C11orf65: variants seen among roughly 807,000 people sequenced by gnomAD.
The protein encoded by C11orf65 is chromosome 11 open reading frame 65.
In C11orf65, 38 loss-of-function variants were observed where a neutral mutation model predicts 35.3. That is an observed-to-expected ratio of 1.08 (90% confidence interval 0.83 to 1.41). The LOEUF is 1.41. Among genes scored for constraint, C11orf65 ranks in the 40% most tolerant of loss-of-function variants. C11orf65 has a pLI of 0.00. For missense variants in C11orf65, 370 were observed against 367.1 expected (o/e 1.01, Z -0.06); for synonymous variants, 105 against 114.4 (o/e 0.92, Z 0.53).
chr11:108,376,070 A>C (rs1732880045), intron 2 of C11orf65, among the ~76,000 whole-genome samples: 1 of 152,196 alleles, frequency 6.6e-6, no homozygotes, highest in African/African-American at 2.4e-5. Context: ...AACATTAGAC[A>C]GATCAACGAG....
At chr11:108,335,343 A>AACATGTACAG in intron 2 of C11orf65, 1 of 1,350,090 alleles carries the variant, frequency 7.4e-7, no homozygotes, top group Non-Finnish European at 9.9e-7. Flanking sequence ...GAATACCATT[A>AACATGTACAG]ACATGTACAG....
chr11:108,405,659 C>A, intron 5 of C11orf65, 100 bp from the exon 6 acceptor site: 1 of 1,208,786 alleles, frequency 8.3e-7, no homozygotes, highest in Non-Finnish European at 1.2e-6. Context: ...AGGAATATGG[C>A]AAGATAGAAA....
rs587781597 is a variant in C11orf65, at chr11:108,345,829, C to A, written c.227-10537G>T. On this transcript the variant is annotated intron_variant, in intron 2 of 3. Transcript: ENST00000524755. ...TTCAACCAGTTTTCCGTTACTTCTG[C>A]ATGGAAAAATTCTTGGATCCAGCTA... The A allele has an allele frequency of 1.2e-6, 2 of 1,613,722 alleles. No homozygotes were observed. Among genetic ancestry groups the A allele is most frequent in the Admixed American group, 3.3e-5 (2 of 59,986 alleles).
chr11:108,367,694 AT>A (rs2091407483), intron 2 of C11orf65: 1 of 215,374 alleles, frequency 4.6e-6, no homozygotes, highest in African/African-American at 2.3e-5. Flanking sequence ...GCAGGCACTC[AT>A]TCATATTTGA....
At chr11:108,383,351 T>C (rs1263187151) in intron 8 of C11orf65, among the ~76,000 whole-genome samples, 176 bp from the exon 9 acceptor site, 2 of 152,182 alleles carry the variant, frequency 1.3e-5, no homozygotes, top group African/African-American at 2.4e-5. Flanking sequence ...CACTCCCACA[T>C]ATCACTGTCC....
At chr11:108,430,222 A>G (rs1305414603) in intron 3 of C11orf65, among the ~76,000 whole-genome samples, 1 of 140,452 alleles carries the variant, frequency 7.1e-6, no homozygotes, top group Non-Finnish European at 1.5e-5. Flanking sequence ...TCCGCCTCCC[A>G]CGTTCATGCC....
intron 2 of C11orf65, chr11:108,353,652 T>C: frequency 1.2e-6 from 1 of 829,270 alleles, no homozygotes; most frequent in Non-Finnish European, 2.1e-6. Flanking sequence ...CATACTAGTG[T>C]TCATAGAACG....
At position 108,312,656 on chromosome 11, in the gene C11orf65, T is replaced by TA. The variant is rs2084276484; in HGVS notation, c.641-3586dup. On this transcript the variant is annotated intron_variant, in intron 6 of 6. Transcript: ENST00000525729. ...AAATTATGGTCTGAAGCTTAAGCCT[T>TA]AGAGTAGACAGACTTGAGTTCTAAT... Among the ~76,000 whole-genome samples, 3 of 147,844 alleles carry TA rather than the reference T, an allele frequency of 2.0e-5. No homozygotes were observed. In the South Asian group the frequency reaches 6.7e-4, roughly 33 times the overall value.
chr11:108,441,373 T>A (rs983487757), intron 2 of C11orf65, among the ~76,000 whole-genome samples: 1 of 152,322 alleles, frequency 6.6e-6, no homozygotes, highest in Non-Finnish European at 1.5e-5. Flanking sequence ...CCTGCCTGCC[T>A]CTGTAGACTC....
intron 3 of C11orf65, among the ~76,000 whole-genome samples, chr11:108,332,324 C>T (rs1193084550): frequency 6.6e-6 from 1 of 152,006 alleles, no homozygotes; most frequent in East Asian, 1.9e-4. Flanking sequence ...CCCAGCTACT[C>T]GGGAGGCTGA....
chr11:108,329,837 T>A (rs554797456), downstream of C11orf65, among the ~76,000 whole-genome samples: 4 of 152,292 alleles, frequency 2.6e-5, no homozygotes, highest in African/African-American at 9.6e-5. Flanking sequence ...TCTGTTTTGC[T>A]TTTTTGGTTT....
chr11:108,402,284 C>T (rs1399087808), intron 6 of C11orf65, among the ~76,000 whole-genome samples: 2 of 152,190 alleles, frequency 1.3e-5, no homozygotes, highest in African/African-American at 2.4e-5. Flanking sequence ...CCTACACCAA[C>T]AAGGCACTTT....
At chr11:108,325,899 G>A (rs566771672) in intron 6 of C11orf65, among the ~76,000 whole-genome samples, 1 of 152,298 alleles carries the variant, frequency 6.6e-6, no homozygotes, top group African/African-American at 2.4e-5. Context: ...CAGACGTGGG[G>A]TGGGGAGATG....
chr11:108,367,550 A>G lies in C11orf65; in HGVS notation c.226+25658T>C, dbSNP rs564351975. Reference sequence around the variant, plus strand: ...TATTAGTGAGTATAATCTCTTCTCCATCCTTAGGAAAATGTTCATCCCAGC... The same window carrying G: ...TATTAGTGAGTATAATCTCTTCTCCGTCCTTAGGAAAATGTTCATCCCAGC... On this transcript the variant is annotated intron_variant, in intron 2 of 3. Transcript: ENST00000524755. 4.4e-5 allele frequency: 9 copies of G among 206,236 alleles called. No individual in the cohort carries two copies. In the East Asian group the frequency reaches 5.9e-4, roughly 14 times the overall value. 12.8% of individuals were successfully genotyped at this position (206,236 alleles called of 1,614,324 possible).
intron 3 of C11orf65, among the ~76,000 whole-genome samples, chr11:108,425,196 C>CA (rs550901908): frequency 2.6e-4 from 39 of 151,836 alleles, no homozygotes; most frequent in Non-Finnish European, 5.3e-4. Flanking sequence ...AAAAAACCTG[C>CA]AAAAAATCAG....
chr11:108,354,318 A>T (rs1333898714), intron 2 of C11orf65, among the ~76,000 whole-genome samples: 2 of 151,828 alleles, frequency 1.3e-5, no homozygotes, highest in Admixed American at 6.6e-5. Flanking sequence ...ATCCTGGCTG[A>T]CTCCTTCTTA....
intron 3 of C11orf65, chr11:108,334,928 TGTA>T: frequency 6.3e-7 from 1 of 1,584,770 alleles, no homozygotes; most frequent in Non-Finnish European, 8.7e-7. Flanking sequence ...GTGCAAATAG[TGTA>T]TCTGACCTAT....
chr11:108,392,762 A>G (rs1175981402), intron 7 of C11orf65, among the ~76,000 whole-genome samples: 1 of 152,236 alleles, frequency 6.6e-6, no homozygotes, highest in Non-Finnish European at 1.5e-5. Context: ...ATGGGGCTAC[A>G]TTAAATATTC....
chr11:108,430,875 C>A (rs907937209), intron 3 of C11orf65, among the ~76,000 whole-genome samples: 6 of 142,238 alleles, frequency 4.2e-5, no homozygotes, highest in African/African-American at 1.0e-4. Context: ...CAAAAAAAAA[C>A]CCAAAACCCA....
Sources: gnomAD v4.1 joint callset for allele counts (sites outside exome capture counted in the v4.1 genomes callset) on GRCh38, gnomAD v4.1.1 for gene constraint, MANE v1.5 for transcripts, NCBI Gene and HGNC (gene_info 2026-07-23, HGNC 2026-07-21) for gene names.